Variants in ALMS1 observed in about 807,000 individuals in gnomAD.
ALMS1 encodes the protein centrosome-associated protein ALMS1.
A neutral mutation model predicts 352.2 loss-of-function variants in ALMS1; 271 were observed. The ratio of observed to expected loss-of-function variants is 0.77; its 90% CI spans 0.70 to 0.85. The LOEUF is 0.85. ALMS1 is among the 40% of genes least tolerant of loss of function. ALMS1 has a pLI of 0.00. For missense variants in ALMS1, 5,445 were observed against 4,870.7 expected (o/e 1.12, Z -3.51); for synonymous variants, 1,865 against 1,761.2 (o/e 1.06, Z -1.48).
chr2:73,431,144 A>T (rs1239277033), intron 6 of ALMS1, among the ~76,000 whole-genome samples: 1 of 152,126 alleles, frequency 6.6e-6, no homozygotes, highest in Admixed American at 6.6e-5. Context: ...TACTAGTAAC[A>T]TCCCCTCCCC....
At chr2:73,544,467 TAACA>T (rs1674267133) in intron 12 of ALMS1, among the ~76,000 whole-genome samples, 1 of 152,108 alleles carries the variant, frequency 6.6e-6, no homozygotes, top group African/African-American at 2.4e-5. Context: ...TATACATATG[TAACA>T]AACCTGCACG....
At chr2:73,400,697 C>T (rs192797422) in intron 1 of ALMS1, among the ~76,000 whole-genome samples, 147 of 152,246 alleles carry the variant, frequency 9.7e-4, no homozygotes, top group Non-Finnish European at 1.4e-3. Flanking sequence ...TTCATTTTAT[C>T]TAGGCTATCA....
intron 17 of ALMS1, 118 bp downstream of exon 17, chr2:73,599,639 A>T: frequency 8.1e-7 from 1 of 1,239,126 alleles, no homozygotes; most frequent in South Asian, 1.3e-5. Flanking sequence ...TCCAACTGCC[A>T]ATTTTCATCT....
intron 3 of ALMS1, among the ~76,000 whole-genome samples, chr2:73,419,998 G>A (rs928077150): frequency 6.6e-6 from 1 of 152,178 alleles, no homozygotes; most frequent in Non-Finnish European, 1.5e-5. Context: ...TAGTGCCAAC[G>A]TTTTCTATGA....
chr2:73,573,486 G>A (rs1674989685), intron 16 of ALMS1, 62 bp downstream of exon 16: 1 of 1,563,040 alleles, frequency 6.4e-7, no homozygotes, highest in Non-Finnish European at 8.8e-7. Context: ...TTTTAGTTAA[G>A]CTTTGCACAC....
intron 6 of ALMS1, among the ~76,000 whole-genome samples, chr2:73,426,949 G>A (rs769242359): frequency 1.3e-5 from 2 of 152,114 alleles, no homozygotes; most frequent in Non-Finnish European, 2.9e-5. Flanking sequence ...TTCTTCATCT[G>A]ATATCCAGGA....
rs1470686104 is a variant in ALMS1 at position 73,454,002 on chromosome 2, C to T, written c.7475C>T (p.Ser2492Leu). Residue 2492 changes from serine (S) to leucine (L), a missense_variant, in exon 8 of 23, where the codon TCA becomes TTA. Transcript: ENST00000613296. ...AAAAACCTTCTGCAATGTGAATCCTCACTGAATCATGCTAAAGAAATACTC... is the reference window on the plus strand; with the variant it reads ...AAAAACCTTCTGCAATGTGAATCCTTACTGAATCATGCTAAAGAAATACTC... ...HVKNLLQCES[S>L]LNHAKEILRN... The T allele has an allele frequency of 6.2e-7, 1 of 1,613,766 alleles. No individual in the cohort carries two copies. The highest frequency in any genetic ancestry group is 1.1e-5 in the South Asian group (1 of 91,042).
At chr2:73,427,178 C>G (rs1671398222) in intron 6 of ALMS1, among the ~76,000 whole-genome samples, 1 of 152,078 alleles carries the variant, frequency 6.6e-6, no homozygotes, top group South Asian at 2.1e-4. Context: ...TGAATGTTTC[C>G]CTCTGGTCTT....
rs1675664911 is a variant in ALMS1, at chr2:73,600,786, C to T, written c.11777C>T (p.Thr3926Ile). 1.2e-6 allele frequency: 2 copies of T among 1,614,216 alleles called. No homozygotes were observed. Among genetic ancestry groups the T allele is most frequent in the Non-Finnish European group, 8.5e-7 (1 of 1,180,022 alleles). ...AAATTGGAAGAGAACAGTGATGTGA[C>T]TTCTTGGTCAGAAGAAAAACGTGAA... ...EAKLEENSDVTSWSEEKREEK... is the reference protein window; with the variant it reads ...EAKLEENSDVISWSEEKREEK... The change falls in exon 18 of 23, where the codon ACT (threonine) becomes ATT (isoleucine). Residue 3926 changes from threonine (T) to isoleucine (I), a missense_variant. Transcript: ENST00000613296.
rs377062274 is a variant in ALMS1 at position 73,609,620 on chromosome 2, T to C, written c.*8T>C. 1.2e-6 allele frequency: 2 copies of C among 1,613,758 alleles called. No homozygotes were observed. Among genetic ancestry groups the C allele is most frequent in the Non-Finnish European group, 1.7e-6 (2 of 1,179,738 alleles). ...AAAGTTCCCTGGGACTGACACAAGTTTATTTTCCTCAGAGCCTTGGAATTC... is the reference window on the plus strand; with the variant it reads ...AAAGTTCCCTGGGACTGACACAAGTCTATTTTCCTCAGAGCCTTGGAATTC... On this transcript the variant is annotated 3_prime_UTR_variant, in exon 23 of 23. Coordinates refer to ENST00000613296, the MANE Select transcript of ALMS1 (RefSeq NM_001378454.1).
intron 1 of ALMS1, among the ~76,000 whole-genome samples, chr2:73,407,268 C>T (rs548262045): frequency 6.6e-6 from 1 of 152,228 alleles, no homozygotes; most frequent in South Asian, 2.1e-4. Context: ...TCCATCAAGT[C>T]ATTAAGCCGT....
intron 10 of ALMS1, among the ~76,000 whole-genome samples, chr2:73,516,849 C>T (rs1016274520): frequency 1.3e-5 from 2 of 152,168 alleles, no homozygotes; most frequent in Non-Finnish European, 2.9e-5. Context: ...TAATTCCTTA[C>T]CTTTAAAAGT....
intron 12 of ALMS1, among the ~76,000 whole-genome samples, chr2:73,539,282 G>A (rs1021454371): frequency 7.9e-5 from 12 of 152,206 alleles, no homozygotes; most frequent in Non-Finnish European, 1.6e-4. Flanking sequence ...AGGGTCTGGA[G>A]TGGACCTCCA....
At chr2:73,456,265 C>A (rs1672057230) in intron 9 of ALMS1, among the ~76,000 whole-genome samples, 1 of 152,088 alleles carries the variant, frequency 6.6e-6, no homozygotes, top group Admixed American at 6.5e-5. Flanking sequence ...CTTTTGAGAA[C>A]TAGGTGTTTC....
intron 10 of ALMS1, among the ~76,000 whole-genome samples, chr2:73,503,896 C>T (rs1185820713): frequency 6.6e-6 from 1 of 152,146 alleles, no homozygotes; most frequent in Non-Finnish European, 1.5e-5. Context: ...ACAAGATACT[C>T]TTTTCCCTTT....
rs1466726449 is a variant in ALMS1 at position 73,422,775 on chromosome 2, G to A, written c.647-82G>A. ...TAGAATTCTCCATATGGCAGCATAT[G>A]TAGGTGCTTTAAAGTATTATATACG... On this transcript the variant is annotated intron_variant, in intron 3 of 22. Transcript: ENST00000613296. 4 of 1,096,024 alleles carry A rather than the reference G, an allele frequency of 3.6e-6. No individual in the cohort carries two copies. The African/African-American group carries it at 4.7e-5, about 13-fold the overall frequency. The allele number at this position is 1,096,024 out of a possible 1,614,324, so 67.9% of individuals were successfully genotyped here. A position where few individuals can be genotyped will look rare whatever the true frequency, so the allele number is the denominator to read the frequency against.
At chr2:73,600,914 A>T in intron 18 of ALMS1, 33 bp downstream of exon 18, 1 of 1,599,884 alleles carries the variant, frequency 6.3e-7, no homozygotes, top group Admixed American at 1.7e-5. Context: ...TGTAGTAGAG[A>T]AACTAGTGAA....
At chr2:73,533,011 G>C (rs935718254) in intron 11 of ALMS1, among the ~76,000 whole-genome samples, 8 of 152,134 alleles carry the variant, frequency 5.3e-5, no homozygotes, top group African/African-American at 1.9e-4. Context: ...GGTATGTCTA[G>C]AAATGTCCAG....
chr2:73,487,525 A>T (rs1018172375), intron 9 of ALMS1, among the ~76,000 whole-genome samples: 15 of 151,692 alleles, frequency 9.9e-5, no homozygotes, highest in African/African-American at 2.9e-4. Flanking sequence ...TGGCTCAGGG[A>T]CCCCCTAGGT....
Sources: gnomAD v4.1 joint callset for allele counts (sites outside exome capture counted in the v4.1 genomes callset) on GRCh38, gnomAD v4.1.1 for gene constraint, MANE v1.5 for transcripts, NCBI Gene and HGNC (gene_info 2026-07-23, HGNC 2026-07-21) for gene names.